The following VIL1 variants were observed in gnomAD, a reference collection of about 807,000 sequenced individuals.
The protein encoded by VIL1 is villin-1.
VIL1 carries 86 observed loss-of-function variants against 104.0 expected under a neutral mutation model. The observed-to-expected ratio is 0.83, with a 90% confidence interval of 0.69 to 0.99. The LOEUF (loss-of-function observed/expected upper bound fraction) is 0.99, where lower values mean the gene tolerates loss of function less well. VIL1 is among the 50% of genes least tolerant of loss of function. The pLI is 0.00. For synonymous variants in VIL1, 394 were observed against 412.6 expected, an observed-to-expected ratio of 0.95 and a Z score of 0.55; for missense variants, 944 against 1,054.1, an observed-to-expected ratio of 0.90 and a Z score of 1.45.
intron 4 of VIL1, among the ~76,000 whole-genome samples, chr2:218,426,371 C>T (rs532852258): frequency 1.6e-4 from 24 of 152,224 alleles, no homozygotes; most frequent in Non-Finnish European, 2.6e-4. Context: ...TCTCATGCCT[C>T]AGCCTCCCCA....
At chr2:218,441,680 A>C (rs993483900) in intron 19 of VIL1, among the ~76,000 whole-genome samples, 1 of 151,858 alleles carries the variant, frequency 6.6e-6, no homozygotes, top group Non-Finnish European at 1.5e-5. Context: ...ATTATGGTTG[A>C]AGTAGCAGAG....
At chr2:218,426,259 T>TC (rs199658844) in intron 4 of VIL1, among the ~76,000 whole-genome samples, 1 of 150,516 alleles carries the variant, frequency 6.6e-6, no homozygotes, top group African/African-American at 2.4e-5. Flanking sequence ...TTCTTTTTCT[T>TC]CCTTTTTTTT....
chr2:218,427,755 C>T (rs920207436), intron 4 of VIL1, among the ~76,000 whole-genome samples: 2 of 152,120 alleles, frequency 1.3e-5, no homozygotes, highest in Admixed American at 6.5e-5. Flanking sequence ...CTGTCAGGGT[C>T]GTGCAAGGGC....
intron 13 of VIL1, among the ~76,000 whole-genome samples, chr2:218,433,217 C>T (rs1363500035): frequency 6.6e-6 from 1 of 152,034 alleles, no homozygotes; most frequent in Non-Finnish European, 1.5e-5. Context: ...GGGTGGATCA[C>T]CTGAAGTCAA....
rs747062170 is a variant in VIL1, at chr2:218,435,327, T to C, written c.1719T>C (p.Val573=). 1.1e-5 allele frequency: 18 copies of C among 1,613,950 alleles called. No individual in the cohort carries two copies. The highest frequency in any genetic ancestry group is 1.4e-5 in the Non-Finnish European group (17 of 1,179,970). ...ACGAGCGGGAGATGGCCAAGATGGT[T>C]GCTGACACCATCTCCCGGACGGAGA... ...SGDEREMAKM[V]ADTISRTEKQ... is the part of the protein sequence containing the mutation. The change falls in exon 15 of 20, where the codon GTT becomes GTC. Residue 573 remains valine, a synonymous_variant. Transcript: ENST00000248444.
chr2:218,420,587 T>G (rs866467491), intron 1 of VIL1, among the ~76,000 whole-genome samples: 19 of 150,312 alleles, frequency 1.3e-4, no homozygotes, highest in South Asian at 2.1e-4. Flanking sequence ...TGTTTTTTTT[T>G]TTTTTGTTTT....
chr2:218,435,007 C>T (rs1465671422), intron 14 of VIL1, among the ~76,000 whole-genome samples: 1 of 152,232 alleles, frequency 6.6e-6, no homozygotes, highest in Admixed American at 6.5e-5. Context: ...GGCTCTCTCT[C>T]ACTACCCTGA....
chr2:218,448,802 C>T (rs536616334), intron 19 of VIL1, among the ~76,000 whole-genome samples: 4 of 152,108 alleles, frequency 2.6e-5, no homozygotes, highest in East Asian at 3.9e-4. Context: ...GTCAGGAGTT[C>T]GAGACTAGCC....
chr2:218,432,514 A>C (rs763470426), intron 12 of VIL1: 4 of 694,560 alleles, frequency 5.8e-6, no homozygotes, highest in South Asian at 3.0e-5. Context: ...TCCCTGAAGA[A>C]GGAGCAGAAA....
Position 218,451,952 on chromosome 2 carries a change from TGA to T in VIL1, c.*2618_*2619del, listed in dbSNP as rs1290153599. 1 of 152,646 alleles carries T rather than the reference TGA, an allele frequency of 6.6e-6. No homozygotes were observed. The highest frequency in any genetic ancestry group is 2.4e-5 in the African/African-American group (1 of 41,448). The allele number at this position is 152,646 out of a possible 1,614,324, so 9.5% of individuals were successfully genotyped here. ...TTCTATCCTGCTGAGACAAAACTCA[TGA>T]GTGTGCACACACATGTGAATATATC... On this transcript the variant is annotated 3_prime_UTR_variant, in exon 20 of 20. Coordinates refer to ENST00000248444, the MANE Select transcript of VIL1 (RefSeq NM_007127.3).
At chr2:218,420,408 G>A (rs1688879696) in intron 1 of VIL1, among the ~76,000 whole-genome samples, 1 of 111,970 alleles carries the variant, frequency 8.9e-6, no homozygotes, top group African/African-American at 3.4e-5. Flanking sequence ...CAGCCTGGGT[G>A]ACAGAGTGAG....
rs745984690 is a variant in VIL1 at position 218,434,917 on chromosome 2, CTCTG to C, written c.1680+215_1680+218del. 3.3e-5 allele frequency among the ~76,000 whole-genome samples: 5 copies of C among 152,356 alleles called. No homozygotes were observed. The East Asian group carries it at 9.6e-4, about 29-fold the overall frequency. On this transcript the variant is annotated intron_variant, in intron 14 of 19. Coordinates refer to ENST00000248444, the MANE Select transcript of VIL1 (RefSeq NM_007127.3). ...ATGACCATCCTCAGATTCTCTGCCT[CTCTG>C]TCGGAGTCAGTCTCTCTTGTTCTGT...
At chr2:218,437,788 CAT>C (rs1689221259) in intron 17 of VIL1, among the ~76,000 whole-genome samples, 1 of 152,160 alleles carries the variant, frequency 6.6e-6, no homozygotes, top group African/African-American at 2.4e-5. Flanking sequence ...CAAAATGGGT[CAT>C]GTGTGTGGTC....
chr2:218,424,691 C>T (rs1040831646), intron 3 of VIL1, among the ~76,000 whole-genome samples: 8 of 152,298 alleles, frequency 5.3e-5, no homozygotes, highest in African/African-American at 1.7e-4. Context: ...GAGTCTCACT[C>T]TGTCACCCAG....
intron 4 of VIL1, among the ~76,000 whole-genome samples, chr2:218,427,354 C>T (rs1326050523): frequency 6.8e-6 from 1 of 147,928 alleles, no homozygotes; most frequent in African/African-American, 2.5e-5. Flanking sequence ...GATGGAGTCT[C>T]ACTCTGTCGC....
chr2:218,423,957 C>T (rs1441598057), intron 2 of VIL1, 104 bp downstream of exon 2: 6 of 1,328,920 alleles, frequency 4.5e-6, no homozygotes, highest in Non-Finnish European at 5.3e-6. Flanking sequence ...TGCTCCTGCC[C>T]TGAAGCCCCT....
At chr2:218,420,436 AAAAAAAAAAAAG>A (rs1688881064) in intron 1 of VIL1, among the ~76,000 whole-genome samples, 3 of 149,240 alleles carry the variant, frequency 2.0e-5, no homozygotes, top group Non-Finnish European at 3.0e-5. Context: ...CTCAAAAAAA[AAAAAAAAAAAAG>A]AAAAGAAAAA....
At chr2:218,421,932 G>A (rs868566830) in intron 1 of VIL1, among the ~76,000 whole-genome samples, 2 of 152,090 alleles carry the variant, frequency 1.3e-5, no homozygotes, top group Middle Eastern at 3.2e-3. Context: ...GGAAGTCTAC[G>A]TTCATACAGC....
intron 19 of VIL1, among the ~76,000 whole-genome samples, chr2:218,445,674 T>TAAG (rs1689353071): frequency 6.6e-6 from 1 of 152,018 alleles, no homozygotes; most frequent in African/African-American, 2.4e-5. Context: ...CAGAGCAGCC[T>TAAG]AAGTATTAAA....
Sources: gnomAD v4.1 joint callset for allele counts (sites outside exome capture counted in the v4.1 genomes callset) on GRCh38, gnomAD v4.1.1 for gene constraint, MANE v1.5 for transcripts, NCBI Gene and HGNC (gene_info 2026-07-23, HGNC 2026-07-21) for gene names.